Variants in RSU1 observed in about 807,000 individuals in gnomAD.
The protein encoded by RSU1 is rsu-1.
RSU1 carries 26 observed loss-of-function variants against 31.1 expected under a neutral mutation model. The ratio of observed to expected loss-of-function variants is 0.84; its 90% CI spans 0.61 to 1.16. The LOEUF is 1.16. Among genes scored for constraint, RSU1 ranks in the 50% most tolerant of loss-of-function variants. The probability of loss-of-function intolerance (pLI) is 0.00; values close to 1 mark genes in which losing one functional copy is unlikely to be tolerated. For synonymous variants in RSU1, 164 were observed against 136.3 expected (o/e 1.20, Z -1.41); for missense variants, 320 against 339.1 (o/e 0.94, Z 0.44).
chr10:16,757,287 G>A (rs1467192095), intron 4 of RSU1, among the ~76,000 whole-genome samples: 1 of 151,992 alleles, frequency 6.6e-6, no homozygotes, highest in African/African-American at 2.4e-5. Context: ...ACTGAAAGGT[G>A]GAAGGGACTG....
At chr10:16,808,416 G>A (rs145255050) in intron 2 of RSU1, among the ~76,000 whole-genome samples, 164 of 151,230 alleles carry the variant, frequency 1.1e-3, no homozygotes, top group Non-Finnish European at 2.0e-3. Context: ...CCTGGGAGGC[G>A]GAGGCTGCAG....
At chr10:16,815,469 T>C (rs1838509586) in intron 2 of RSU1, among the ~76,000 whole-genome samples, 1 of 152,216 alleles carries the variant, frequency 6.6e-6, no homozygotes, top group Non-Finnish European at 1.5e-5. Context: ...CAGGGTCTCC[T>C]GAACATCTCC....
intron 7 of RSU1, among the ~76,000 whole-genome samples, chr10:16,751,436 C>A (rs1242556370): frequency 6.6e-6 from 1 of 152,194 alleles, no homozygotes; most frequent in African/African-American, 2.4e-5. Flanking sequence ...TCCCTTTAGA[C>A]TAATATGGCT....
intron 6 of RSU1, 62 bp from the exon 7 acceptor site, chr10:16,752,715 C>G: frequency 7.8e-7 from 1 of 1,276,796 alleles, no homozygotes; most frequent in Admixed American, 1.7e-5. Context: ...CACAGAAACT[C>G]TCATCCTCTA....
chr10:16,689,543 C>T (rs1835501153), intron 8 of RSU1, among the ~76,000 whole-genome samples: 1 of 152,140 alleles, frequency 6.6e-6, no homozygotes, highest in Non-Finnish European at 1.5e-5. Flanking sequence ...AGCTTTAATT[C>T]CACAAGTAAA....
chr10:16,612,168 T>A (rs1300818134), intron 8 of RSU1, among the ~76,000 whole-genome samples: 1 of 152,112 alleles, frequency 6.6e-6, no homozygotes, highest in Non-Finnish European at 1.5e-5. Context: ...AGCCATAGAG[T>A]TGCAATATGC....
At position 16,680,831 on chromosome 10, in the gene RSU1, G is replaced by GAA. The variant is rs551336472; in HGVS notation, c.731+14190_731+14191dup. Among the ~76,000 whole-genome samples the GAA allele has an allele frequency of 2.3e-3, 348 of 152,160 alleles. 4 individuals carry two copies. The highest frequency in any genetic ancestry group is 0.017 in the Middle Eastern group (5 of 294). The stretch of plus-strand genomic sequence containing the variant: ...CGGACAGATATCCAAACTATGTCAG[G>GAA]AAAAAATGAAACAACAAAACAAAAC... On this transcript the variant is annotated intron_variant, in intron 8 of 8. Coordinates refer to ENST00000345264, the MANE Select transcript of RSU1 (RefSeq NM_012425.4).
chr10:16,703,159 C>T lies in RSU1; in HGVS notation c.599-8004G>A, dbSNP rs547215667. On this transcript the variant is annotated intron_variant, in intron 7 of 8. Coordinates refer to ENST00000345264, the MANE Select transcript of RSU1 (RefSeq NM_012425.4). ...AGTTTCCTGAGGCCTCCCCAGAAGC[C>T]GAGCAGATGCCAGCATCATGCTTCC... Among the ~76,000 whole-genome samples the T allele has an allele frequency of 3.3e-5, 5 of 152,282 alleles. No individual in the cohort carries two copies. The East Asian group carries it at 7.7e-4, about 24-fold the overall frequency.
intron 7 of RSU1, among the ~76,000 whole-genome samples, chr10:16,752,170 C>A (rs1023755858): frequency 6.6e-6 from 1 of 152,132 alleles, no homozygotes; most frequent in Non-Finnish European, 1.5e-5. Flanking sequence ...AAGAGTGATA[C>A]TTAAAGTTAT....
At chr10:16,774,997 T>C (rs1469239795) in intron 3 of RSU1, among the ~76,000 whole-genome samples, 1 of 151,964 alleles carries the variant, frequency 6.6e-6, no homozygotes, top group African/African-American at 2.4e-5. Flanking sequence ...TGAGCTAGGA[T>C]TGTGCCACTG....
chr10:16,719,006 T>C (rs1439826627), intron 7 of RSU1, among the ~76,000 whole-genome samples: 2 of 147,298 alleles, frequency 1.4e-5, no homozygotes, highest in South Asian at 2.1e-4. Flanking sequence ...AAAAATTATG[T>C]TGGCTGGGCG....
intron 8 of RSU1, among the ~76,000 whole-genome samples, chr10:16,648,240 A>T (rs1345457429): frequency 1.3e-5 from 2 of 151,766 alleles, no homozygotes; most frequent in African/African-American, 4.8e-5. Context: ...TGCTGGGATT[A>T]CAGGCACTAG....
chr10:16,798,965 G>T (rs913445208), intron 2 of RSU1, among the ~76,000 whole-genome samples: 2 of 152,128 alleles, frequency 1.3e-5, no homozygotes, highest in South Asian at 4.1e-4. Flanking sequence ...AAAACTCTGG[G>T]ATTATTCTCT....
chr10:16,780,683 T>C (rs1396555022), intron 3 of RSU1, among the ~76,000 whole-genome samples: 2 of 152,218 alleles, frequency 1.3e-5, no homozygotes, highest in Non-Finnish European at 2.9e-5. Flanking sequence ...TGCTCACAAA[T>C]CTTGGGGGAT....
intron 4 of RSU1, among the ~76,000 whole-genome samples, chr10:16,761,433 C>G (rs556956062): frequency 1.3e-5 from 2 of 152,296 alleles, no homozygotes; most frequent in East Asian, 3.9e-4. Context: ...CACTGAACAA[C>G]AGACATCCAG....
At chr10:16,761,484 GCCT>G (rs892465172) in intron 4 of RSU1, among the ~76,000 whole-genome samples, 20 of 152,090 alleles carry the variant, frequency 1.3e-4, no homozygotes, top group Non-Finnish European at 2.5e-4. Context: ...ACAGCCGCCC[GCCT>G]CACACTTTAT....
chr10:16,766,532 C>T (rs1172304231), intron 3 of RSU1, among the ~76,000 whole-genome samples: 9 of 151,958 alleles, frequency 5.9e-5, no homozygotes, highest in Non-Finnish European at 1.3e-4. Context: ...CTGACCAACA[C>T]GGTGCAACTC....
At chr10:16,634,446 G>T (rs1834311731) in intron 8 of RSU1, among the ~76,000 whole-genome samples, 1 of 152,170 alleles carries the variant, frequency 6.6e-6, no homozygotes, top group Non-Finnish European at 1.5e-5. Context: ...AAACAGAATT[G>T]GAGCTATTCA....
intron 7 of RSU1, among the ~76,000 whole-genome samples, chr10:16,725,298 A>G (rs1214542346): frequency 6.6e-6 from 1 of 152,230 alleles, no homozygotes; most frequent in East Asian, 1.9e-4. Context: ...GTTAGCCCCC[A>G]GTATCACATT....
Sources: gnomAD v4.1 joint callset for allele counts (sites outside exome capture counted in the v4.1 genomes callset) on GRCh38, gnomAD v4.1.1 for gene constraint, MANE v1.5 for transcripts, NCBI Gene and HGNC (gene_info 2026-07-23, HGNC 2026-07-21) for gene names.